Variants in SERPINE2 observed in about 807,000 individuals in gnomAD.
SERPINE2 encodes serpin family E member 2.
In SERPINE2, 14 loss-of-function variants were observed where a neutral mutation model predicts 36.3. The observed-to-expected ratio is 0.39, with a 90% CI of 0.25 to 0.60. SERPINE2 has a LOEUF of 0.60. Ranked by LOEUF, SERPINE2 falls within the 20% of genes least tolerant of loss-of-function variation. The pLI is 0.57. For synonymous variants in SERPINE2, 192 were observed against 191.8 expected (o/e 1.00, Z -0.01); for missense variants, 418 against 499.6 (o/e 0.84, Z 1.56).
intron 1 of SERPINE2, among the ~76,000 whole-genome samples, chr2:224,018,139 G>A (rs973914039): frequency 6.6e-6 from 1 of 152,198 alleles, no homozygotes; most frequent in Non-Finnish European, 1.5e-5. Flanking sequence ...TCCATCGACA[G>A]CCCTGATGAT....
intron 1 of SERPINE2, chr2:224,010,324 A>T (rs1003572733): frequency 2.0e-6 from 2 of 984,346 alleles, no homozygotes; most frequent in African/African-American, 3.5e-5. Context: ...AAAGGAACCT[A>T]AAAATGTTTA....
intron 1 of SERPINE2, chr2:224,038,735 G>C: frequency 1.7e-6 from 1 of 575,782 alleles, no homozygotes; most frequent in South Asian, 2.2e-5. Flanking sequence ...TCAGGTTCAG[G>C]GTCAGGGCCG....
intron 4 of SERPINE2, among the ~76,000 whole-genome samples, chr2:223,985,400 G>C (rs1239436759): frequency 6.6e-6 from 1 of 151,152 alleles, no homozygotes; most frequent in East Asian, 1.9e-4. Flanking sequence ...CTATGAAAAA[G>C]CAAATTAACA....
intron 1 of SERPINE2, among the ~76,000 whole-genome samples, chr2:224,018,555 A>AC (rs1399606731): frequency 6.6e-6 from 1 of 151,672 alleles, no homozygotes; most frequent in Non-Finnish European, 1.5e-5. Context: ...AAAACCCTCC[A>AC]TTTTTGCAAG....
At chr2:224,004,875 A>T (rs927878950) in intron 1 of SERPINE2, among the ~76,000 whole-genome samples, 2 of 151,144 alleles carry the variant, frequency 1.3e-5, no homozygotes, top group African/African-American at 4.9e-5. Context: ...CTCCCCAAAG[A>T]AATGCTCCTA....
At chr2:224,006,866 G>GACGCC (rs1282468378) in intron 1 of SERPINE2, among the ~76,000 whole-genome samples, 1 of 152,174 alleles carries the variant, frequency 6.6e-6, no homozygotes, top group East Asian at 1.9e-4. Flanking sequence ...GTTCTGCACA[G>GACGCC]ACGCCACCCC....
At chr2:224,005,750 G>A (rs1691398547) in intron 1 of SERPINE2, among the ~76,000 whole-genome samples, 1 of 152,126 alleles carries the variant, frequency 6.6e-6, no homozygotes, top group South Asian at 2.1e-4. Flanking sequence ...TTTCAAATCA[G>A]AGAGAAATAA....
chr2:224,026,464 A>G (rs1692187745), intron 1 of SERPINE2, among the ~76,000 whole-genome samples: 1 of 152,182 alleles, frequency 6.6e-6, no homozygotes, highest in East Asian at 1.9e-4. Flanking sequence ...CATAATATGC[A>G]TTGACTGAGA....
chr2:224,038,593 G>A, intron 1 of SERPINE2: 1 of 1,255,560 alleles, frequency 8.0e-7, no homozygotes, highest in South Asian at 1.3e-5. Context: ...CAAGTTAAAG[G>A]CTTTCCCCAC....
intron 1 of SERPINE2, among the ~76,000 whole-genome samples, chr2:224,005,077 ATATATATAT>A (rs1318556152): frequency 3.6e-4 from 12 of 33,414 alleles, no homozygotes; most frequent in Middle Eastern, 0.024. Context: ...ATATATATAT[ATATATATAT>A]ATATATATAT....
chr2:224,038,052 G>C (rs1228317921), intron 1 of SERPINE2, among the ~76,000 whole-genome samples: 1 of 152,054 alleles, frequency 6.6e-6, no homozygotes, highest in African/African-American at 2.4e-5. Context: ...TTCAATTTTC[G>C]AAGTGTGGTT....
At chr2:224,019,758 TTTTTTTTAAAAA>T (rs1171285069) in intron 1 of SERPINE2, among the ~76,000 whole-genome samples, 1 of 48,720 alleles carries the variant, frequency 2.1e-5, no homozygotes, top group African/African-American at 5.7e-5. Context: ...GTCTTTTTTT[TTTTTTTTAAAAA>T]AAAAAAAAGA....
At chr2:223,995,275 G>C (rs1690836789) in intron 3 of SERPINE2, among the ~76,000 whole-genome samples, 1 of 152,196 alleles carries the variant, frequency 6.6e-6, no homozygotes, top group Admixed American at 6.5e-5. Context: ...ATTTCCGTGA[G>C]ACAGACCCAG....
At chr2:224,036,056 A>C (rs1255180437) in intron 1 of SERPINE2, among the ~76,000 whole-genome samples, 1 of 152,150 alleles carries the variant, frequency 6.6e-6, no homozygotes, top group African/African-American at 2.4e-5. Flanking sequence ...TGAAAACTAA[A>C]ATCAATTTTG....
chr2:224,020,452 T>C (rs183313349), intron 1 of SERPINE2, among the ~76,000 whole-genome samples: 69 of 152,306 alleles, frequency 4.5e-4, no homozygotes, highest in Admixed American at 9.8e-4. Flanking sequence ...TATATTTCCA[T>C]GGTGGGGCAA....
intron 5 of SERPINE2, among the ~76,000 whole-genome samples, chr2:223,983,263 C>T (rs906307042): frequency 5.3e-5 from 8 of 151,990 alleles, no homozygotes; most frequent in African/African-American, 1.9e-4. Flanking sequence ...TTTTGGGATT[C>T]TTTTTTTTGA....
chr2:224,038,490 C>T (rs1235044849), intron 1 of SERPINE2: 1 of 1,551,436 alleles, frequency 6.4e-7, no homozygotes, highest in African/African-American at 1.4e-5. Flanking sequence ...TTCATTTTAC[C>T]TGCAGTCACT....
At chr2:223,994,819 C>T (rs1383793124) in intron 3 of SERPINE2, among the ~76,000 whole-genome samples, 1 of 152,146 alleles carries the variant, frequency 6.6e-6, no homozygotes, top group Non-Finnish European at 1.5e-5. Context: ...TTATTCACAT[C>T]CTCACACCAG....
chr2:223,989,389 G>A (rs562439655), intron 4 of SERPINE2, among the ~76,000 whole-genome samples: 1 of 152,316 alleles, frequency 6.6e-6, no homozygotes, highest in East Asian at 1.9e-4. Flanking sequence ...GGAAGCATCC[G>A]ACAGGTGGCA....
Sources: gnomAD v4.1 joint callset for allele counts (sites outside exome capture counted in the v4.1 genomes callset) on GRCh38, gnomAD v4.1.1 for gene constraint, MANE v1.5 for transcripts, NCBI Gene and HGNC (gene_info 2026-07-23, HGNC 2026-07-21) for gene names.